Variants in PPARGC1A observed in about 807,000 individuals in gnomAD.
PPARGC1A encodes the protein PPARG coactivator 1 alpha.
PPARGC1A carries 25 observed loss-of-function variants against 88.7 expected under a neutral mutation model. That is an observed-to-expected ratio of 0.28 (90% CI 0.21 to 0.39). The LOEUF is 0.39. Among genes scored for constraint, PPARGC1A ranks in the 10% least tolerant of loss-of-function variants. The pLI is 1.00. For missense variants in PPARGC1A, 880 were observed against 968.7 expected (o/e 0.91, Z 1.22); for synonymous variants, 363 against 355.6 (o/e 1.02, Z -0.24).
the PPARGC1A span, among the ~76,000 whole-genome samples, chr4:23,913,307 G>A: frequency 5.5e-3 from 660 of 120,848 alleles, 3 homozygotes; most frequent in Middle Eastern, 9.3e-3. Context: ...GAGAGAGAGA[G>A]AAAGAGAAAA....
intron 2 of PPARGC1A, among the ~76,000 whole-genome samples, chr4:23,850,114 G>C (rs1729018085): frequency 6.6e-6 from 1 of 152,134 alleles, no homozygotes; most frequent in African/African-American, 2.4e-5. Context: ...CTGTTTGTTT[G>C]AGCTACGGGC....
At chr4:23,827,400 T>C (rs1019838810) in intron 5 of PPARGC1A, among the ~76,000 whole-genome samples, 8 of 151,812 alleles carry the variant, frequency 5.3e-5, no homozygotes, top group Non-Finnish European at 1.2e-4. Context: ...CACTCTGCAG[T>C]TAAAAGGAAA....
At chr4:23,900,363 T>C (rs895726496), upstream of PPARGC1A, among the ~76,000 whole-genome samples, 1 of 152,210 alleles carries the variant, frequency 6.6e-6, no homozygotes, top group Non-Finnish European at 1.5e-5. Context: ...GGTCAGACAA[T>C]GTAGATCTGT....
the PPARGC1A span, among the ~76,000 whole-genome samples, chr4:24,396,833 A>G: frequency 2.0e-5 from 3 of 152,080 alleles, no homozygotes; most frequent in South Asian, 2.1e-4. Context: ...CTAAAACACT[A>G]AAGAAGTCTA....
chr4:24,275,170 T>G, the PPARGC1A span, among the ~76,000 whole-genome samples: 1 of 151,944 alleles, frequency 6.6e-6, no homozygotes, highest in Non-Finnish European at 1.5e-5. Flanking sequence ...TTTGAAATTA[T>G]TATCAATCTT....
upstream of PPARGC1A, among the ~76,000 whole-genome samples, chr4:23,894,773 G>T (rs905678241): frequency 2.0e-5 from 3 of 152,006 alleles, no homozygotes; most frequent in Non-Finnish European, 4.4e-5. Flanking sequence ...TAAACTTAAA[G>T]CAACAATTGT....
chr4:23,933,628 C>T, the PPARGC1A span, among the ~76,000 whole-genome samples: 1 of 152,194 alleles, frequency 6.6e-6, no homozygotes, highest in Admixed American at 6.5e-5. Flanking sequence ...GGCTAGAAAG[C>T]ATTTTATTTT....
At chr4:23,812,905 A>G (rs1293040726) in intron 9 of PPARGC1A, 38 bp from the exon 10 acceptor site, 1 of 1,613,752 alleles carries the variant, frequency 6.2e-7, no homozygotes, top group South Asian at 1.1e-5. Context: ...CAACCACCTC[A>G]ATTTTCATGA....
chr4:24,335,253 A>T, the PPARGC1A span, among the ~76,000 whole-genome samples: 30,203 of 152,118 alleles, frequency 0.2, 3,223 homozygotes, highest in African/African-American at 0.24. Flanking sequence ...TTGAGTCTTT[A>T]TAATGTCCCC....
At chr4:24,377,268 C>T in the PPARGC1A span, among the ~76,000 whole-genome samples, 1 of 151,948 alleles carries the variant, frequency 6.6e-6, no homozygotes, top group African/African-American at 2.4e-5. Flanking sequence ...CCCCTAAAAG[C>T]CAACCCAGCC....
the PPARGC1A span, among the ~76,000 whole-genome samples, chr4:24,301,372 A>G: frequency 6.6e-6 from 1 of 152,156 alleles, no homozygotes; most frequent in Non-Finnish European, 1.5e-5. Context: ...AGTGATTTAC[A>G]GCCTTTCATC....
chr4:24,128,055 C>A, the PPARGC1A span, among the ~76,000 whole-genome samples: 1 of 152,152 alleles, frequency 6.6e-6, no homozygotes, highest in Non-Finnish European at 1.5e-5. Flanking sequence ...ATGGGAATGA[C>A]CTCCCATTCC....
At chr4:23,928,953 C>A in the PPARGC1A span, among the ~76,000 whole-genome samples, 1 of 151,974 alleles carries the variant, frequency 6.6e-6, no homozygotes, top group South Asian at 2.1e-4. Context: ...GGGAGGGGAA[C>A]AACACACACT....
chr4:24,042,083 T>A, the PPARGC1A span, among the ~76,000 whole-genome samples: 1 of 152,132 alleles, frequency 6.6e-6, no homozygotes, highest in Non-Finnish European at 1.5e-5. Flanking sequence ...CTTGTAAAGT[T>A]TATTATTAAT....
the PPARGC1A span, among the ~76,000 whole-genome samples, chr4:24,395,562 A>G: frequency 2.6e-5 from 4 of 152,358 alleles, no homozygotes; most frequent in East Asian, 5.8e-4. Context: ...AATGTGAATC[A>G]TTCTGAAGAC....
At chr4:23,851,254 G>A (rs1051723725) in intron 2 of PPARGC1A, among the ~76,000 whole-genome samples, 1 of 152,016 alleles carries the variant, frequency 6.6e-6, no homozygotes, top group African/African-American at 2.4e-5. Context: ...TTGACATGAT[G>A]TTCTGACTGG....
chr4:24,157,846 C>T, the PPARGC1A span, among the ~76,000 whole-genome samples: 2 of 152,046 alleles, frequency 1.3e-5, no homozygotes, highest in South Asian at 2.1e-4. Context: ...TCATCCCCCA[C>T]CCCACAATTC....
the PPARGC1A span, among the ~76,000 whole-genome samples, chr4:24,190,025 G>T: frequency 2.0e-5 from 3 of 152,134 alleles, no homozygotes. Flanking sequence ...TGCCTACTAA[G>T]GAGGTTATCT....
the PPARGC1A span, among the ~76,000 whole-genome samples, chr4:24,254,908 A>T: frequency 6.6e-6 from 1 of 152,110 alleles, no homozygotes; most frequent in Admixed American, 6.5e-5. Context: ...AAATCTGTCC[A>T]TTTTTCAGGG....
Sources: gnomAD v4.1 joint callset for allele counts (sites outside exome capture counted in the v4.1 genomes callset) on GRCh38, gnomAD v4.1.1 for gene constraint, MANE v1.5 for transcripts, NCBI Gene and HGNC (gene_info 2026-07-23, HGNC 2026-07-21) for gene names.